HK1: variants seen among roughly 807,000 people sequenced by gnomAD.
The protein encoded by HK1 is hexokinase-1.
Under a neutral mutation model 91.6 loss-of-function variants are expected in HK1, and 28 were observed. The ratio of observed to expected loss-of-function variants is 0.31; its 90% CI spans 0.23 to 0.42. The LOEUF (loss-of-function observed/expected upper bound fraction) is 0.42, where lower values mean the gene tolerates loss of function less well. HK1 is among the 10% of genes least tolerant of loss of function. The probability of loss-of-function intolerance (pLI) is 1.00; values close to 1 mark genes in which losing one functional copy is unlikely to be tolerated. For synonymous variants in HK1, 430 were observed against 468.1 expected (o/e 0.92, Z 1.05); for missense variants, 770 against 1,219.8 (o/e 0.63, Z 5.49).
upstream of HK1, among the ~76,000 whole-genome samples, chr10:69,313,308 G>A (rs1445242595): frequency 6.6e-6 from 1 of 152,160 alleles, no homozygotes; most frequent in Non-Finnish European, 1.5e-5. Context: ...TGTCTAAAGG[G>A]GGCGGTGGCT....
In HK1 at chr10:69,382,669, T is replaced by C. The variant is rs1839450295; in HGVS notation, c.1448T>C (p.Met483Thr). 1.1e-5 allele frequency: 17 copies of C among 1,613,948 alleles called. No individual in the cohort carries two copies. The highest frequency in any genetic ancestry group is 1.3e-5 in the African/African-American group (1 of 75,024). Residue 483 changes from methionine (M) to threonine (T), a missense_variant, in exon 10 of 18, where the codon ATG (methionine) becomes ACG (threonine). Coordinates refer to ENST00000359426, the MANE Select transcript of HK1 (RefSeq NM_000188.3). ...GCTCATTTCCACCTCACCAAGGACA[T>C]GCTGCTGGAGGTGAAGAAGAGGATG... ...TLAHFHLTKD[M>T]LLEVKKRMRA...
At chr10:69,339,576 C>CTT (rs1848193519) in intron 1 of HK1, among the ~76,000 whole-genome samples, 2 of 152,222 alleles carry the variant, frequency 1.3e-5, no homozygotes, top group Non-Finnish European at 1.5e-5. Flanking sequence ...GTGTCTGCAG[C>CTT]CTGCTTTTTG....
chr10:69,388,571 T>TA (rs1839755229), intron 13 of HK1, among the ~76,000 whole-genome samples: 1 of 152,192 alleles, frequency 6.6e-6, no homozygotes, highest in African/African-American at 2.4e-5. Flanking sequence ...AAAATAGGAA[T>TA]TATACCATAT....
rs1840397996 is a variant in HK1, at chr10:69,401,655, C to T, written c.*520C>T. On this transcript the variant is annotated 3_prime_UTR_variant, in exon 18 of 18. Transcript: ENST00000359426. Reference sequence around the variant, plus strand: ...CACCCACTGTGGCCTGGCATCGCATCGTGGTGTGTCAATGCCACAAAATCG... The same window carrying T: ...CACCCACTGTGGCCTGGCATCGCATTGTGGTGTGTCAATGCCACAAAATCG... 1.1e-5 allele frequency: 4 copies of T among 354,584 alleles called. No individual in the cohort carries two copies. The highest frequency in any genetic ancestry group is 2.2e-5 in the Non-Finnish European group (4 of 181,520). The allele number at this position is 354,584 out of a possible 1,614,324, so 22.0% of individuals were successfully genotyped here.
chr10:69,377,994 CTT>C (rs1377358472), intron 8 of HK1, among the ~76,000 whole-genome samples: 1 of 152,222 alleles, frequency 6.6e-6, no homozygotes, highest in Admixed American at 6.5e-5. Context: ...CATCAGCTCT[CTT>C]TGAGGTTAGA....
intron 1 of HK1, among the ~76,000 whole-genome samples, chr10:69,341,446 C>T (rs1045018106): frequency 6.6e-6 from 1 of 151,828 alleles, no homozygotes; most frequent in Non-Finnish European, 1.5e-5. Context: ...CAGGTGTGGG[C>T]CACTGCTCCT....
At chr10:69,385,606 G>A (rs112825061) in intron 12 of HK1, among the ~76,000 whole-genome samples, 30 of 152,222 alleles carry the variant, frequency 2.0e-4, no homozygotes, top group African/African-American at 1.4e-4. Flanking sequence ...GGGTGTCACA[G>A]GTGGAGACGT....
chr10:69,376,505 A>G (rs1234244879), intron 7 of HK1, among the ~76,000 whole-genome samples: 1 of 152,212 alleles, frequency 6.6e-6, no homozygotes, highest in Non-Finnish European at 1.5e-5. Flanking sequence ...CTGTCTCAAA[A>G]AATAAATAAA....
intron 2 of HK1, among the ~76,000 whole-genome samples, chr10:69,346,520 A>C (rs1323227154): frequency 6.6e-6 from 1 of 151,226 alleles, no homozygotes; most frequent in Non-Finnish European, 1.5e-5. Context: ...TTTTTTTTTT[A>C]ATGGGCAGTG....
intron 2 of HK1, among the ~76,000 whole-genome samples, chr10:69,285,248 CAT>C (rs1251514733): frequency 5.9e-5 from 9 of 151,988 alleles, no homozygotes; most frequent in Non-Finnish European, 8.8e-5. Flanking sequence ...TCCTGGCTAA[CAT>C]GGTCTCTACT....
chr10:69,360,161 G>A (rs1849344554), intron 3 of HK1, 116 bp downstream of exon 3: 2 of 1,023,802 alleles, frequency 2.0e-6, no homozygotes, highest in Non-Finnish European at 1.5e-6. Context: ...TTGCTGGAAA[G>A]AGTCCCTCAT....
At chr10:69,395,356 T>C (rs1840086936) in intron 16 of HK1, among the ~76,000 whole-genome samples, 1 of 152,302 alleles carries the variant, frequency 6.6e-6, no homozygotes. Flanking sequence ...GGCAGGCGGA[T>C]CATGAGGTCA....
intron 2 of HK1, 28 bp downstream of exon 2, chr10:69,344,017 C>T: frequency 6.2e-7 from 1 of 1,610,930 alleles, no homozygotes; most frequent in Non-Finnish European, 8.5e-7. Context: ...AGATTGAACC[C>T]TGAGGGCTAA....
chr10:69,365,024 A>C lies in HK1; in HGVS notation c.495+122A>C. 16 of 1,123,378 alleles carry C rather than the reference A, an allele frequency of 1.4e-5. 1 individual carries two copies. The South Asian group carries it at 2.1e-4, about 15-fold the overall frequency. 69.6% of individuals were successfully genotyped at this position (1,123,378 alleles called of 1,614,324 possible). On this transcript the variant is annotated intron_variant, in intron 4 of 17. Transcript: ENST00000359426. ...ATGGTTTGCATGTCTGGTATTTTTAAAGAAACATTTGCAGAAGTTAGTGTG... is the reference window on the plus strand; with the variant it reads ...ATGGTTTGCATGTCTGGTATTTTTACAGAAACATTTGCAGAAGTTAGTGTG...
chr10:69,297,843 C>A (rs2132486470), intron 4 of HK1, among the ~76,000 whole-genome samples: 1 of 150,004 alleles, frequency 6.7e-6, no homozygotes, highest in Admixed American at 6.6e-5. Context: ...TTGCAGTGAG[C>A]TGAGATCCTG....
intron 1 of HK1, among the ~76,000 whole-genome samples, chr10:69,326,767 C>T (rs945926803): frequency 6.6e-6 from 1 of 152,110 alleles, no homozygotes; most frequent in African/African-American, 2.4e-5. Flanking sequence ...CAGTTGAAGC[C>T]CTTTCTATGC....
intron 5 of HK1, among the ~76,000 whole-genome samples, chr10:69,309,577 G>A (rs527290460): frequency 5.5e-5 from 8 of 146,578 alleles, no homozygotes; most frequent in South Asian, 4.4e-4. Context: ...TGAGGTGGGC[G>A]GATCATGAGG....
At chr10:69,362,598 C>T (rs969013316) in intron 3 of HK1, among the ~76,000 whole-genome samples, 1 of 152,112 alleles carries the variant, frequency 6.6e-6, no homozygotes, top group Non-Finnish European at 1.5e-5. Context: ...AACGGCCTTT[C>T]CTTCTCAATG....
chr10:69,393,310 C>CTTT (rs57870614), intron 15 of HK1, among the ~76,000 whole-genome samples: 1 of 143,654 alleles, frequency 7.0e-6, no homozygotes, highest in Non-Finnish European at 1.5e-5. Flanking sequence ...CTTTTCTTTT[C>CTTT]TTTTTTTTTT....
Sources: gnomAD v4.1 joint callset for allele counts (sites outside exome capture counted in the v4.1 genomes callset) on GRCh38, gnomAD v4.1.1 for gene constraint, MANE v1.5 for transcripts, NCBI Gene and HGNC (gene_info 2026-07-23, HGNC 2026-07-21) for gene names.